Variants in UBR1 observed in about 807,000 individuals in gnomAD.
The protein encoded by UBR1 is E3 ubiquitin-protein ligase UBR1.
A neutral mutation model predicts 242.1 loss-of-function variants in UBR1; 102 were observed. The ratio of observed to expected loss-of-function variants is 0.42; its 90% CI spans 0.36 to 0.50. The LOEUF (loss-of-function observed/expected upper bound fraction) is 0.50. Ranked by LOEUF, UBR1 falls within the 20% of genes least tolerant of loss-of-function variation. The pLI is 0.01. For synonymous variants in UBR1, 675 were observed against 684.8 expected (o/e 0.99, Z 0.22); for missense variants, 1,772 against 2,101.8 (o/e 0.84, Z 3.07).
At chr15:42,992,110 T>G (rs529537501) in intron 33 of UBR1, among the ~76,000 whole-genome samples, 1 of 152,300 alleles carries the variant, frequency 6.6e-6, no homozygotes, top group Non-Finnish European at 1.5e-5. Flanking sequence ...ATTTTTTCAA[T>G]TCTATTATCT....
Position 42,958,078 on chromosome 15 carries a change from T to G in UBR1, c.4770A>C (p.Lys1590Asn), listed in dbSNP as rs1389632292. 4.3e-6 allele frequency: 7 copies of G among 1,613,236 alleles called. No homozygotes were observed. The highest frequency in any genetic ancestry group is 5.9e-6 in the Non-Finnish European group (7 of 1,179,540). Residue 1590 changes from lysine (K) to asparagine (N), a missense_variant, in exon 44 of 47, where the codon AAA (lysine) becomes AAC (asparagine). By Grantham distance (94) the Lys-to-Asn change is moderately conservative. Around this residue, in one of 3 missense-constraint regions of UBR1, gnomAD observed 965 missense variants for 1,079.7 expected, o/e 0.89. Transcript: ENST00000290650. Reference sequence around the variant, plus strand: ...CAGGAAGCTCTATCAAACTATTTCTTTTTCTAGGGTACCTACAATGTAATT... The same window carrying G: ...CAGGAAGCTCTATCAAACTATTTCTGTTTCTAGGGTACCTACAATGTAATT... Reference protein sequence around the residue: ...QKNTVVRYPRKRNSLIELPDD... With the variant: ...QKNTVVRYPRNRNSLIELPDD...
chr15:42,953,522 G>A (rs1352933384), intron 44 of UBR1, among the ~76,000 whole-genome samples: 1 of 152,218 alleles, frequency 6.6e-6, no homozygotes, highest in East Asian at 1.9e-4. Flanking sequence ...CATAGGATGA[G>A]AGGACTATTT....
intron 1 of UBR1, among the ~76,000 whole-genome samples, chr15:43,105,513 T>C (rs1305857021): frequency 6.6e-6 from 1 of 152,156 alleles, no homozygotes; most frequent in African/African-American, 2.4e-5. Flanking sequence ...GACTTGACAG[T>C]AGCAGCACTA....
chr15:42,971,366 C>A (rs2032205337), intron 39 of UBR1, among the ~76,000 whole-genome samples: 1 of 152,166 alleles, frequency 6.6e-6, no homozygotes, highest in Non-Finnish European at 1.5e-5. Flanking sequence ...ATCCTAAACC[C>A]TTCCAGCAAC....
intron 26 of UBR1, 75 bp from the exon 27 acceptor site, chr15:43,021,450 G>C: frequency 1.5e-6 from 2 of 1,309,080 alleles, no homozygotes; most frequent in South Asian, 2.4e-5. Context: ...ATTGGTTTCA[G>C]GACCCCTGTG....
chr15:42,955,667 T>C (rs1454939080), intron 44 of UBR1, among the ~76,000 whole-genome samples: 1 of 152,190 alleles, frequency 6.6e-6, no homozygotes, highest in African/African-American at 2.4e-5. Context: ...CATAATGCAT[T>C]ATGATTCAAA....
In UBR1 at chr15:43,056,232, C is replaced by T. The variant is rs533813475; in HGVS notation, c.1281+112G>A. The T allele has an allele frequency of 2.3e-5, 20 of 881,310 alleles. No homozygotes were observed. In the African/African-American group the frequency reaches 3.0e-4, roughly 13 times the overall value. 54.6% of individuals were successfully genotyped at this position (881,310 alleles called of 1,614,324 possible). ...GGGTAGCACTAAAGTATTCACATAG[C>T]CCAACTTAGTGATTCTAACATTGTT... On this transcript the variant is annotated intron_variant, in intron 11 of 46. Transcript: ENST00000290650.
chr15:43,020,796 G>A (rs924249101), intron 27 of UBR1, among the ~76,000 whole-genome samples: 1 of 152,066 alleles, frequency 6.6e-6, no homozygotes, highest in Non-Finnish European at 1.5e-5. Flanking sequence ...CCCTCTTCCT[G>A]GAGTACTCTT....
intron 7 of UBR1, 42 bp from the exon 8 acceptor site, chr15:43,059,867 T>C (rs1271329552): frequency 6.2e-7 from 1 of 1,612,298 alleles, no homozygotes; most frequent in African/African-American, 1.3e-5. Flanking sequence ...GCATTTAAAA[T>C]TTGCTTTTAG....
chr15:42,988,267 ATATG>A (rs2032504764), intron 35 of UBR1, among the ~76,000 whole-genome samples: 1 of 113,626 alleles, frequency 8.8e-6, no homozygotes, highest in African/African-American at 2.6e-5. Context: ...CTAAAGGAAT[ATATG>A]TGTGTGTGTG....
At chr15:42,955,930 A>C (rs1016302860) in intron 44 of UBR1, among the ~76,000 whole-genome samples, 1 of 152,238 alleles carries the variant, frequency 6.6e-6, no homozygotes, top group African/African-American at 2.4e-5. Flanking sequence ...AAAAATGAGT[A>C]CCTGTATATT....
chr15:42,985,989 CAAAAAAAAAAAAAA>C (rs1230190123), intron 35 of UBR1, among the ~76,000 whole-genome samples: 5 of 47,068 alleles, frequency 1.1e-4, no homozygotes, highest in African/African-American at 4.1e-4. Flanking sequence ...GACCCTGTCT[CAAAAAAAAAAAAAA>C]AAAAAAAAAG....
At position 43,006,396 on chromosome 15, in the gene UBR1, G is replaced by A. The variant is rs191540004; in HGVS notation, c.3415+683C>T. Among the ~76,000 whole-genome samples, 270 of 152,154 alleles carry A rather than the reference G, an allele frequency of 1.8e-3. 3 individuals are homozygous for A. The highest frequency in any genetic ancestry group is 6.4e-3 in the African/African-American group (264 of 41,500). Reference sequence around the variant, plus strand: ...CTTGTTTTGTTTGTTTTGAGACAGGGTCTCACCCTGTTGTGGACCACAGGC... The same window carrying A: ...CTTGTTTTGTTTGTTTTGAGACAGGATCTCACCCTGTTGTGGACCACAGGC... On this transcript the variant is annotated intron_variant, in intron 30 of 46. Coordinates refer to ENST00000290650, the MANE Select transcript of UBR1 (RefSeq NM_174916.3).
intron 25 of UBR1, among the ~76,000 whole-genome samples, chr15:43,023,666 C>T (rs114363139): frequency 1.4e-4 from 18 of 131,356 alleles, no homozygotes; most frequent in African/African-American, 4.9e-4. Context: ...GAAACAAGAT[C>T]ATCCTATTTT....
chr15:43,074,326 A>G (rs1316193980), intron 4 of UBR1, among the ~76,000 whole-genome samples: 1 of 151,890 alleles, frequency 6.6e-6, no homozygotes, highest in Admixed American at 6.6e-5. Flanking sequence ...TCTTTAAGAA[A>G]AGCAATTACT....
At chr15:43,027,876 C>T (rs1037048556) in intron 21 of UBR1, 48 bp from the exon 22 acceptor site, 1 of 1,418,710 alleles carries the variant, frequency 7.0e-7, no homozygotes. Flanking sequence ...TAATGACTTC[C>T]ACCTCTCTGT....
intron 43 of UBR1, 27 bp downstream of exon 43, chr15:42,960,618 G>C (rs1309529497): frequency 1.9e-6 from 3 of 1,611,456 alleles, no homozygotes; most frequent in East Asian, 2.2e-5. Context: ...GTGGATGAGG[G>C]AGAAAGGATT....
chr15:43,038,525 C>T (rs560947114), intron 15 of UBR1, among the ~76,000 whole-genome samples: 4 of 152,024 alleles, frequency 2.6e-5, no homozygotes, highest in East Asian at 3.9e-4. Context: ...ACCTGGGAGG[C>T]GGAAGTTGCA....
intron 1 of UBR1, among the ~76,000 whole-genome samples, chr15:43,105,039 T>G (rs2034280753): frequency 6.6e-6 from 1 of 152,018 alleles, no homozygotes; most frequent in Non-Finnish European, 1.5e-5. Context: ...AAAAAATAAA[T>G]AAAATAAAAT....
Sources: allele counts gnomAD v4.1 joint callset (sites outside exome capture counted in the v4.1 genomes callset), GRCh38; gene constraint gnomAD v4.1.1; regional missense constraint gnomAD v4.1.1; transcripts MANE v1.5; gene names NCBI Gene and HGNC (gene_info 2026-07-23, HGNC 2026-07-21).